SPO11: variants seen among roughly 807,000 people sequenced by gnomAD.
The protein encoded by SPO11 is meiotic recombination protein SPO11.
In SPO11, 49 loss-of-function variants were observed where a neutral mutation model predicts 51.6. That is an observed-to-expected ratio of 0.95 (90% CI 0.75 to 1.20). SPO11 has a LOEUF of 1.20. SPO11 is among the 50% of genes most tolerant of loss of function. The pLI, the probability that SPO11 is intolerant of heterozygous loss-of-function variation, is 0.00. For missense variants in SPO11, 431 were observed against 473.4 expected (o/e 0.91, Z 0.83); for synonymous variants, 176 against 158.2 (o/e 1.11, Z -0.84).
At chr20:57,338,420 C>A in intron 9 of SPO11, 45 bp downstream of exon 9, 5 of 1,272,744 alleles carry the variant, frequency 3.9e-6, no homozygotes, top group South Asian at 1.3e-5. Flanking sequence ...ATAACTAAAT[C>A]ATATTTGTTG....
intron 2 of SPO11, among the ~76,000 whole-genome samples, chr20:57,332,985 G>A (rs1301809199): frequency 6.6e-6 from 1 of 152,106 alleles, no homozygotes; most frequent in South Asian, 2.1e-4. Context: ...TTATCTTAGT[G>A]CCTCTGTATG....
chr20:57,334,199 G>A (rs2066484046), intron 5 of SPO11, 104 bp downstream of exon 5: 1 of 397,604 alleles, frequency 2.5e-6, no homozygotes. Context: ...CTGTCGCCTA[G>A]GCTGGAGTGC....
chr20:57,338,730 C>G (rs1402435237), intron 9 of SPO11, among the ~76,000 whole-genome samples: 1 of 152,104 alleles, frequency 6.6e-6, no homozygotes, highest in Admixed American at 6.6e-5. Flanking sequence ...CAGGCAGGAA[C>G]CACCGTGCCC....
chr20:57,337,623 A>G, intron 8 of SPO11: 1 of 608,800 alleles, frequency 1.6e-6, no homozygotes, highest in South Asian at 1.7e-5. Flanking sequence ...TTAAATATGT[A>G]GGATGTTTAT....
At chr20:57,336,791 G>A (rs973273231) in intron 8 of SPO11, among the ~76,000 whole-genome samples, 3 of 152,160 alleles carry the variant, frequency 2.0e-5, no homozygotes, top group African/African-American at 7.2e-5. Context: ...CTCACGATGA[G>A]CTAGGACCCC....
Position 57,340,184 on chromosome 20 carries a change from A to G in SPO11, c.959+6A>G, listed in dbSNP as rs761964189. 1.5e-5 allele frequency: 23 copies of G among 1,570,544 alleles called. No individual in the cohort carries two copies. In the Admixed American group the frequency reaches 2.0e-4, roughly 14 times the overall value. On this transcript the variant is annotated splice_donor_region_variant and intron_variant, in intron 11 of 12. Coordinates refer to ENST00000371263, the MANE Select transcript of SPO11 (RefSeq NM_012444.3). ...CTCCCTTCTGATCTTAAAAGGTTAG[A>G]TAGTATAGCAGAACTAGGATATTTA...
In SPO11 at chr20:57,334,082, G is replaced by A; in HGVS notation, c.497G>A (p.Arg166Lys). 1 of 1,556,436 alleles carries A rather than the reference G, an allele frequency of 6.4e-7. No individual in the cohort carries two copies. The highest frequency in any genetic ancestry group is 8.8e-7 in the Non-Finnish European group (1 of 1,140,094). ...DISCMLKVSR[R>K]SLHILSTSKG... Reference sequence around the variant, plus strand: ...TCTTGCATGTTAAAAGTGTCAAGGAGGAGTCTACATATAGTAAGTAGTACC... The same window carrying A: ...TCTTGCATGTTAAAAGTGTCAAGGAAGAGTCTACATATAGTAAGTAGTACC... The change falls in exon 5 of 13, where the codon AGG becomes AAG. Residue 166 changes from arginine (R) to lysine (K), a missense_variant. Physicochemically the swap from Arg to Lys is conservative, Grantham distance 26. This residue lies in a region of SPO11 where 405 missense variants were observed against 425.9 expected (regional missense o/e 0.95). Coordinates refer to ENST00000371263, the MANE Select transcript of SPO11 (RefSeq NM_012444.3).
intron 6 of SPO11, among the ~76,000 whole-genome samples, chr20:57,335,102 T>A (rs1377977882): frequency 1.3e-5 from 2 of 152,252 alleles, no homozygotes; most frequent in Non-Finnish European, 2.9e-5. Flanking sequence ...GCTTGGTCAT[T>A]TTAGCATGTT....
At chr20:57,333,940 C>A in intron 4 of SPO11, 47 bp from the exon 5 acceptor site, 1 of 1,177,340 alleles carries the variant, frequency 8.5e-7, no homozygotes, top group Non-Finnish European at 1.2e-6. Context: ...TTGTCATATT[C>A]AAAAAGAATA....
chr20:57,336,017 A>G, intron 8 of SPO11, 110 bp downstream of exon 8: 1 of 612,320 alleles, frequency 1.6e-6, no homozygotes, highest in Non-Finnish European at 2.8e-6. Flanking sequence ...AATATAATGC[A>G]TCCTTTGGGA....
At position 57,333,832 on chromosome 20, in the gene SPO11, G is replaced by A. The variant is rs554913960; in HGVS notation, c.401+79G>A. ...TGGATTAACTTTTATTATATGCTTTGAAAAGTTACATAAGACTAAACTATA... is the reference window on the plus strand; with the variant it reads ...TGGATTAACTTTTATTATATGCTTTAAAAAGTTACATAAGACTAAACTATA... On this transcript the variant is annotated intron_variant, in intron 4 of 12. Coordinates refer to ENST00000371263, the MANE Select transcript of SPO11 (RefSeq NM_012444.3). The A allele has an allele frequency of 5.2e-5, 54 of 1,028,602 alleles. No individual in the cohort carries two copies. In the Middle Eastern group the frequency reaches 8.4e-4, roughly 16 times the overall value. 63.7% of individuals were successfully genotyped at this position (1,028,602 alleles called of 1,614,324 possible).
At position 57,331,914 on chromosome 20, in the gene SPO11, G is replaced by A. The variant is rs756159611; in HGVS notation, c.213G>A (p.Thr71=). ...SLARNEAPAF[T]IDNRSSWENI... is the part of the protein sequence containing the mutation. ...CAAGAAATGAAGCACCTGCATTCAC[G>A]ATAGACAACAGATCAAGCTGGGAAA... The change falls in exon 2 of 13, where the codon ACG becomes ACA. Residue 71 remains threonine, a synonymous_variant. Transcript: ENST00000371263. 1.3e-6 allele frequency: 2 copies of A among 1,599,278 alleles called. No homozygotes were observed. Among genetic ancestry groups the A allele is most frequent in the South Asian group, 1.1e-5 (1 of 87,598 alleles).
Position 57,331,902 on chromosome 20 carries a change from A to G in SPO11, c.201A>G (p.Ala67=), listed in dbSNP as rs1336094924. Residue 67 remains alanine (A), a synonymous_variant, in exon 2 of 13, where the codon GCA becomes GCG. Coordinates refer to ENST00000371263, the MANE Select transcript of SPO11 (RefSeq NM_012444.3). ...TCACAAGCTTGGCAAGAAATGAAGC[A>G]CCTGCATTCACGATAGACAACAGAT... The part of the protein sequence containing the change: ...DIITSLARNE[A]PAFTIDNRSS... The G allele has an allele frequency of 4.4e-6, 7 of 1,606,100 alleles. No individual in the cohort carries two copies. The highest frequency in any genetic ancestry group is 5.9e-6 in the Non-Finnish European group (7 of 1,176,510).
Position 57,342,990 on chromosome 20 carries a change from A to C in SPO11, c.1071+150A>C. ...TTGTTTGGCAGTAAATAGTTGTTGA[A>C]ATTGAGTCATATGAATGCTAATAGA... On this transcript the variant is annotated intron_variant, in intron 12 of 12. Coordinates refer to ENST00000371263, the MANE Select transcript of SPO11 (RefSeq NM_012444.3). 4 of 660,396 alleles carry C rather than the reference A, an allele frequency of 6.1e-6. No individual in the cohort carries two copies. The South Asian group carries it at 7.8e-5, about 13-fold the overall frequency. 40.9% of individuals were successfully genotyped at this position (660,396 alleles called of 1,614,324 possible). A position where few individuals can be genotyped will look rare whatever the true frequency, so the allele number is the denominator to read the frequency against.
At chr20:57,333,365 T>A in intron 3 of SPO11, 89 bp downstream of exon 3, 1 of 924,406 alleles carries the variant, frequency 1.1e-6, no homozygotes, top group East Asian at 2.7e-5. Flanking sequence ...TAAATAATTT[T>A]ACCTGTTTTT....
chr20:57,337,788 C>T, intron 8 of SPO11: 1 of 1,298,500 alleles, frequency 7.7e-7, no homozygotes, highest in Non-Finnish European at 1.0e-6. Flanking sequence ...AGATGTAACC[C>T]TTTTTTTTGG....
chr20:57,340,638 A>G (rs1326822604), intron 11 of SPO11, among the ~76,000 whole-genome samples: 1 of 151,984 alleles, frequency 6.6e-6, no homozygotes, highest in Non-Finnish European at 1.5e-5. Context: ...GTGGTGGTGT[A>G]TGCCTGTAAT....
At chr20:57,333,831 T>G in intron 4 of SPO11, 78 bp downstream of exon 4, 1 of 1,037,778 alleles carries the variant, frequency 9.6e-7, no homozygotes, top group African/African-American at 1.6e-5. Flanking sequence ...TTATATGCTT[T>G]GAAAAGTTAC....
Position 57,338,987 on chromosome 20 carries a change from A to G in SPO11, c.845-2A>G. The G allele has an allele frequency of 6.7e-7, 1 of 1,482,902 alleles. No individual in the cohort carries two copies. Among genetic ancestry groups the G allele is most frequent in the Non-Finnish European group, 9.2e-7 (1 of 1,088,022 alleles). The allele number at this position is 1,482,902 out of a possible 1,614,324, so 91.9% of individuals were successfully genotyped here. On this transcript the variant is annotated splice_acceptor_variant, in intron 9 of 12. Coordinates refer to ENST00000371263, the MANE Select transcript of SPO11 (RefSeq NM_012444.3). LOFTEE classifies it high-confidence loss of function. ...ATTTTATAGTTAACTTTCTTTTAAC[A>G]GGCATAGAAATAATGTGCATCTATA...
Sources: gnomAD v4.1 joint callset for allele counts (sites outside exome capture counted in the v4.1 genomes callset) on GRCh38, gnomAD v4.1.1 for gene constraint, gnomAD v4.1.1 regional missense constraint, MANE v1.5 for transcripts, NCBI Gene and HGNC (gene_info 2026-07-23, HGNC 2026-07-21) for gene names.